Variants in MORN3 observed in about 807,000 individuals in gnomAD.
MORN3 encodes the protein MORN repeat-containing protein 3.
MORN3 carries 38 observed loss-of-function variants against 34.7 expected under a neutral mutation model. The ratio of observed to expected loss-of-function variants is 1.10; its 90% CI spans 0.85 to 1.44. The LOEUF is 1.44. Ranked by LOEUF, MORN3 falls within the 40% of genes most tolerant of loss-of-function variation. MORN3 has a pLI of 0.00. For missense variants in MORN3, 311 were observed against 321.7 expected (o/e 0.97, Z 0.25); for synonymous variants, 109 against 115.3 (o/e 0.95, Z 0.35).
upstream of MORN3, among the ~76,000 whole-genome samples, chr12:121,670,293 C>G (rs565580292): frequency 6.6e-6 from 1 of 152,044 alleles, no homozygotes; most frequent in South Asian, 2.1e-4. Context: ...AGTGGGGAAA[C>G]AATCTCAGGT....
chr12:121,665,604 A>T (rs929568970), intron 1 of MORN3, among the ~76,000 whole-genome samples: 1 of 151,194 alleles, frequency 6.6e-6, no homozygotes, highest in Non-Finnish European at 1.5e-5. Flanking sequence ...GTCTCTACTG[A>T]AAATACAAAA....
intron 1 of MORN3, among the ~76,000 whole-genome samples, chr12:121,668,100 C>A (rs1332136115): frequency 6.6e-6 from 1 of 150,882 alleles, no homozygotes; most frequent in African/African-American, 2.4e-5. Context: ...GAACTCCTGA[C>A]CTCAGGTGAT....
rs185758266 is a variant in MORN3 at position 121,659,772 on chromosome 12, T to C, written c.146-424A>G. ...CTGAAACTCCTGACCTCAAGTGATA[T>C]GCCCACCTCGGTCTCCCAAAGTGCT... On this transcript the variant is annotated intron_variant, in intron 1 of 5. Coordinates refer to ENST00000355329, the MANE Select transcript of MORN3 (RefSeq NM_173855.5). Among the ~76,000 whole-genome samples, 452 of 151,902 alleles carry C rather than the reference T, an allele frequency of 3.0e-3. 3 individuals carry two copies. Among genetic ancestry groups the C allele is most frequent in the African/African-American group, 0.01 (433 of 41,488 alleles).
intron 2 of MORN3, 54 bp downstream of exon 2, chr12:121,659,137 G>GCACACACACACACACACA (rs57639477): frequency 2.0e-6 from 3 of 1,484,610 alleles, no homozygotes; most frequent in Non-Finnish European, 1.8e-6. Context: ...ACACACGCGC[G>GCACACACACACACACACA]CACACACACA....
rs367687371 is a variant in MORN3, at chr12:121,659,234, C to T, written c.260G>A (p.Cys87Tyr). 6.2e-7 allele frequency: 1 copy of T among 1,614,072 alleles called. No homozygotes were observed. Among genetic ancestry groups the T allele is most frequent in the Non-Finnish European group, 8.5e-7 (1 of 1,180,014 alleles). ...LSLPDQQTGK[C>Y]RRVYSGWWKG... Reference sequence around the variant, plus strand: ...CCACCAGCCTGAGTAGACTCTCCTGCACTTTCCTGTCTGTTGGTCAGGAAG... The same window carrying T: ...CCACCAGCCTGAGTAGACTCTCCTGTACTTTCCTGTCTGTTGGTCAGGAAG... Residue 87 changes from cysteine (C) to tyrosine (Y), a missense_variant, in exon 2 of 6, where the codon TGC (cysteine) becomes TAC (tyrosine). Coordinates refer to ENST00000355329, the MANE Select transcript of MORN3 (RefSeq NM_173855.5).
At chr12:121,651,794 C>T (rs1594218139) in intron 5 of MORN3, 150 bp from the exon 6 acceptor site, 1 of 152,360 alleles carries the variant, frequency 6.6e-6, no homozygotes, top group African/African-American at 2.4e-5. Flanking sequence ...AGGCCAACTG[C>T]CTTACTCAAG....
chr12:121,663,330 C>A (rs1289984257), intron 1 of MORN3, among the ~76,000 whole-genome samples: 1 of 151,788 alleles, frequency 6.6e-6, no homozygotes, highest in African/African-American at 2.4e-5. Flanking sequence ...TCCTGAGTAG[C>A]TGGGATTACA....
upstream of MORN3, among the ~76,000 whole-genome samples, chr12:121,671,826 G>C (rs1302102983): frequency 6.6e-6 from 1 of 151,064 alleles, no homozygotes; most frequent in Non-Finnish European, 1.5e-5. Flanking sequence ...GTTGCAGTGA[G>C]AGCTGAGATC....
intron 1 of MORN3, among the ~76,000 whole-genome samples, chr12:121,660,224 C>A (rs942796242): frequency 3.3e-5 from 5 of 151,314 alleles, no homozygotes; most frequent in African/African-American, 1.2e-4. Context: ...CGTCATTGCA[C>A]TCCAGCCTGG....
At chr12:121,671,714 T>C (rs1893974043), upstream of MORN3, among the ~76,000 whole-genome samples, 1 of 151,474 alleles carries the variant, frequency 6.6e-6, no homozygotes, top group South Asian at 2.1e-4. Context: ...ACCGCGTCTC[T>C]ACTCAAACTA....
Position 121,653,075 on chromosome 12 carries a change from C to T in MORN3, c.648G>A (p.Glu216=), listed in dbSNP as rs1555325264. 1.2e-6 allele frequency: 2 copies of T among 1,608,110 alleles called. No homozygotes were observed. Among genetic ancestry groups the T allele is most frequent in the East Asian group, 2.2e-5 (1 of 44,558 alleles). Reference sequence around the variant, plus strand: ...CAGGGCCCTGGTGAGGGCTGCCCACCTCAGGAATGGGGAACTGAGTGGGCT... The same window carrying T: ...CAGGGCCCTGGTGAGGGCTGCCCACTTCAGGAATGGGGAACTGAGTGGGCT... ...APEPTQFPIP[E]VKILDPDGVL... Residue 216 remains glutamate (E), a splice_region_variant and synonymous_variant, in exon 4 of 6, where the codon GAG becomes GAA. Coordinates refer to ENST00000355329, the MANE Select transcript of MORN3 (RefSeq NM_173855.5).
At position 121,651,505 on chromosome 12, in the gene MORN3, C is replaced by G. The variant is rs1893252537; in HGVS notation, c.*146G>C. 1.3e-5 allele frequency: 2 copies of G among 152,366 alleles called. No homozygotes were observed. Among genetic ancestry groups the G allele is most frequent in the Admixed American group, 6.6e-5 (1 of 15,254 alleles). 9.4% of individuals were successfully genotyped at this position (152,366 alleles called of 1,614,324 possible). ...GCCTTCCTATTGGCAAGAAATGACCCAGTGCTGGGGGTAGTGAGGGGCCCT... is the reference window on the plus strand; with the variant it reads ...GCCTTCCTATTGGCAAGAAATGACCGAGTGCTGGGGGTAGTGAGGGGCCCT... On this transcript the variant is annotated 3_prime_UTR_variant, in exon 6 of 6. Transcript: ENST00000355329.
intron 5 of MORN3, 31 bp downstream of exon 5, chr12:121,652,697 T>C (rs369941583): frequency 1.0e-4 from 162 of 1,605,042 alleles, no homozygotes; most frequent in Admixed American, 3.3e-5. Context: ...CTCAGCCACA[T>C]CAGAACTTGG....
intron 4 of MORN3, 37 bp from the exon 5 acceptor site, chr12:121,652,845 T>C (rs781791361): frequency 3.7e-6 from 6 of 1,609,834 alleles, no homozygotes; most frequent in Non-Finnish European, 5.1e-6. Context: ...TTGGAGAGCA[T>C]GGAGGACCCA....
At chr12:121,665,544 G>A (rs2942369) in intron 1 of MORN3, among the ~76,000 whole-genome samples, 5,239 of 151,222 alleles carry the variant, frequency 0.035, 139 homozygotes, top group Non-Finnish European at 0.055. Flanking sequence ...GAGGCGGGCG[G>A]ATCACGAGGT....
At chr12:121,654,253 C>A (rs782625293) in intron 3 of MORN3, 21 bp downstream of exon 3, 3 of 1,286,036 alleles carry the variant, frequency 2.3e-6, no homozygotes, top group South Asian at 1.3e-5. Context: ...TGGGCGGGGC[C>A]GGCGGGGGTG....
At chr12:121,667,786 A>C (rs951410560) in intron 1 of MORN3, among the ~76,000 whole-genome samples, 3 of 145,602 alleles carry the variant, frequency 2.1e-5, no homozygotes, top group Non-Finnish European at 3.0e-5. Flanking sequence ...TGCAGTGGCG[A>C]GATCTCGGTT....
intron 1 of MORN3, among the ~76,000 whole-genome samples, chr12:121,664,864 C>T (rs1893693575): frequency 7.0e-6 from 1 of 142,712 alleles, no homozygotes; most frequent in Non-Finnish European, 1.5e-5. Flanking sequence ...TTTTTGTAGC[C>T]CCTACCAAAA....
chr12:121,665,278 CTTTTTTTTTTTTTTTT>C (rs767525874), intron 1 of MORN3, among the ~76,000 whole-genome samples: 6 of 50,668 alleles, frequency 1.2e-4, no homozygotes, highest in Admixed American at 3.6e-4. Flanking sequence ...TTTTTCTTTC[CTTTTTTTTTTTTTTTT>C]TTTTTTTTTT....
Sources: gnomAD v4.1 joint callset for allele counts (sites outside exome capture counted in the v4.1 genomes callset) on GRCh38, gnomAD v4.1.1 for gene constraint, MANE v1.5 for transcripts, NCBI Gene and HGNC (gene_info 2026-07-23, HGNC 2026-07-21) for gene names.